Variants in SDK1 observed in about 807,000 individuals in gnomAD.
The protein encoded by SDK1 is protein sidekick-1.
A neutral mutation model predicts 245.5 loss-of-function variants in SDK1; 157 were observed. The observed-to-expected ratio is 0.64, with a 90% CI of 0.56 to 0.73. The LOEUF (loss-of-function observed/expected upper bound fraction) is 0.73, where lower values mean the gene tolerates loss of function less well. Ranked by LOEUF, SDK1 falls within the 30% of genes least tolerant of loss-of-function variation. SDK1 has a pLI of 0.00. For synonymous variants in SDK1, 1,647 were observed against 1,278.5 expected, an observed-to-expected ratio of 1.29 and a Z score of -6.15; for missense variants, 3,583 against 3,002.3, an observed-to-expected ratio of 1.19 and a Z score of -4.52.
At position 3,987,621 on chromosome 7, in the gene SDK1, G is replaced by A. The variant is rs536333530; in HGVS notation, c.2131+299G>A. ...ACAGTGTCACTCCCAGGGCGAGCTG[G>A]AAATGGGTTAACAATGCCTGCCACC... is the stretch of plus-strand genomic sequence containing the variant. On this transcript the variant is annotated intron_variant, in intron 14 of 44. Transcript: ENST00000404826. Among the ~76,000 whole-genome samples the A allele has an allele frequency of 1.5e-4, 23 of 152,268 alleles. 1 individual carries two copies. The South Asian group carries it at 4.6e-3, about 30-fold the overall frequency.
At chr7:3,385,382 A>G (rs7805254) in intron 1 of SDK1, among the ~76,000 whole-genome samples, 5,175 of 152,242 alleles carry the variant, frequency 0.034, 121 homozygotes, top group Middle Eastern at 0.088. Flanking sequence ...GGGGAAGAAA[A>G]TTCCCATTTT....
chr7:3,586,925 T>A (rs985383754), intron 1 of SDK1, among the ~76,000 whole-genome samples: 1 of 152,074 alleles, frequency 6.6e-6, no homozygotes, highest in Non-Finnish European at 1.5e-5. Flanking sequence ...CTGTAAGAGA[T>A]TTTTTTGGTA....
At chr7:3,440,236 A>G (rs1562487619) in intron 1 of SDK1, among the ~76,000 whole-genome samples, 1 of 152,172 alleles carries the variant, frequency 6.6e-6, no homozygotes, top group East Asian at 1.9e-4. Context: ...TGGAGCTTTT[A>G]TAGAGCATCT....
chr7:3,306,119 G>T (rs1355148831), intron 1 of SDK1, among the ~76,000 whole-genome samples: 1 of 152,116 alleles, frequency 6.6e-6, no homozygotes, highest in African/African-American at 2.4e-5. Flanking sequence ...TGTACCAAAG[G>T]GAAAGACGGT....
At chr7:3,586,962 C>T (rs1046531642) in intron 1 of SDK1, among the ~76,000 whole-genome samples, 2 of 151,986 alleles carry the variant, frequency 1.3e-5, no homozygotes, top group Non-Finnish European at 2.9e-5. Flanking sequence ...ACAGAGTGAG[C>T]AGGCATTGTG....
intron 14 of SDK1, among the ~76,000 whole-genome samples, chr7:3,987,701 T>A (rs527326972): frequency 1.3e-5 from 2 of 152,182 alleles, no homozygotes; most frequent in Non-Finnish European, 2.9e-5. Context: ...TGGGAGGTTT[T>A]CTCCGGTGTA....
At chr7:3,374,070 A>AT (rs1173096831) in intron 1 of SDK1, among the ~76,000 whole-genome samples, 2 of 151,902 alleles carry the variant, frequency 1.3e-5, no homozygotes, top group Non-Finnish European at 2.9e-5. Flanking sequence ...CAAATTGTGG[A>AT]TTTTTCTTTT....
At chr7:4,261,418 C>T (rs549044672) in intron 44 of SDK1, among the ~76,000 whole-genome samples, 3 of 151,640 alleles carry the variant, frequency 2.0e-5, no homozygotes, top group Admixed American at 6.6e-5. Context: ...GCTGCAAGGA[C>T]GCAGCTCACA....
At chr7:3,348,126 T>C (rs1780557460) in intron 1 of SDK1, among the ~76,000 whole-genome samples, 1 of 152,190 alleles carries the variant, frequency 6.6e-6, no homozygotes. Flanking sequence ...GGACGATGTT[T>C]ACATCACAGA....
At chr7:4,183,755 A>T (rs1782726161) in intron 35 of SDK1, among the ~76,000 whole-genome samples, 1 of 152,130 alleles carries the variant, frequency 6.6e-6, no homozygotes, top group African/African-American at 2.4e-5. Flanking sequence ...TCCACCCCCA[A>T]ACGAGGAGGG....
At chr7:3,464,166 A>G (rs1014148886) in intron 1 of SDK1, among the ~76,000 whole-genome samples, 8 of 152,216 alleles carry the variant, frequency 5.3e-5, no homozygotes, top group African/African-American at 1.9e-4. Flanking sequence ...ACCTATACAT[A>G]CATGTTCCAA....
chr7:3,460,264 G>T lies in SDK1; in HGVS notation c.298+158380G>T, dbSNP rs990030717. On this transcript the variant is annotated intron_variant, in intron 1 of 44. Coordinates refer to ENST00000404826, the MANE Select transcript of SDK1 (RefSeq NM_152744.4). ...CCTGCTTGCCATAGTTGTATTCTGG[G>T]ATGATTGATTAATTTATGCCTTTCA... 2.0e-5 allele frequency among the ~76,000 whole-genome samples: 3 copies of T among 152,152 alleles called. No homozygotes were observed. In the East Asian group the frequency reaches 5.8e-4, roughly 29 times the overall value.
chr7:4,081,605 A>G (rs1781063470), intron 22 of SDK1, among the ~76,000 whole-genome samples: 1 of 151,858 alleles, frequency 6.6e-6, no homozygotes, highest in Non-Finnish European at 1.5e-5. Context: ...ATTTTAGTAG[A>G]GACGGGGTTT....
At chr7:3,586,458 G>A (rs1428919980) in intron 1 of SDK1, among the ~76,000 whole-genome samples, 2 of 151,876 alleles carry the variant, frequency 1.3e-5, no homozygotes, top group South Asian at 2.1e-4. Context: ...AGCACTTTGG[G>A]AGGCCGAGGT....
At chr7:3,426,243 A>G (rs1779673233) in intron 1 of SDK1, among the ~76,000 whole-genome samples, 1 of 152,144 alleles carries the variant, frequency 6.6e-6, no homozygotes. Flanking sequence ...GCTGTGGGAC[A>G]AGAGGAAGGA....
In SDK1 at chr7:4,049,355, C is replaced by G; in HGVS notation, c.2610C>G (p.Thr870=). ...ATGACTGCCCTGCCACAGTGCCCAC[C>G]GCGCCCCCGCAGAACGTGCAGACGG... is the stretch of plus-strand genomic sequence containing the variant. The part of the protein sequence containing the change: ...VTEYTLQGVP[T]APPQNVQTEA... The change falls in exon 18 of 45, where the codon ACC becomes ACG. Residue 870 remains threonine, a synonymous_variant. Transcript: ENST00000404826. The G allele has an allele frequency of 6.2e-7, 1 of 1,613,798 alleles. No homozygotes were observed. The highest frequency in any genetic ancestry group is 8.5e-7 in the Non-Finnish European group (1 of 1,179,862).
At chr7:3,771,183 T>G (rs147245528) in intron 4 of SDK1, among the ~76,000 whole-genome samples, 3 of 152,218 alleles carry the variant, frequency 2.0e-5, no homozygotes, top group Non-Finnish European at 4.4e-5. Context: ...CTCTCTGTGG[T>G]CTCTGATTCT....
Position 3,506,949 on chromosome 7 carries a change from G to C in SDK1, c.299-112131G>C, listed in dbSNP as rs1486021906. 2.6e-5 allele frequency among the ~76,000 whole-genome samples: 4 copies of C among 151,856 alleles called. No individual in the cohort carries two copies. The South Asian group carries it at 8.3e-4, about 32-fold the overall frequency. The stretch of plus-strand genomic sequence containing the variant: ...ATAGTCTAATTTTTCTCTTGGTTAA[G>C]GGCTGCATTTTCCTTTAGAGGGTAT... On this transcript the variant is annotated intron_variant, in intron 1 of 44. Coordinates refer to ENST00000404826, the MANE Select transcript of SDK1 (RefSeq NM_152744.4).
chr7:3,461,041 A>C (rs1037330108), intron 1 of SDK1, among the ~76,000 whole-genome samples: 2 of 152,136 alleles, frequency 1.3e-5, no homozygotes, highest in African/African-American at 4.8e-5. Context: ...ATTTAACGGG[A>C]TTTTACACAT....
Sources: gnomAD v4.1 joint callset for allele counts (sites outside exome capture counted in the v4.1 genomes callset) on GRCh38, gnomAD v4.1.1 for gene constraint, MANE v1.5 for transcripts, NCBI Gene and HGNC (gene_info 2026-07-23, HGNC 2026-07-21) for gene names.